Variants in RERE observed in about 807,000 individuals in gnomAD.
The protein encoded by RERE is arginine-glutamic acid dipeptide repeats.
RERE carries 40 observed loss-of-function variants against 146.1 expected under a neutral mutation model. The observed-to-expected ratio is 0.27, with a 90% CI of 0.21 to 0.36. The LOEUF is 0.36. RERE is among the 10% of genes least tolerant of loss of function. The probability of loss-of-function intolerance (pLI) is 1.00; values close to 1 mark genes in which losing one functional copy is unlikely to be tolerated. For synonymous variants in RERE, 1,003 were observed against 866.0 expected (o/e 1.16, Z -2.78); for missense variants, 1,933 against 2,138.7 (o/e 0.90, Z 1.90).
intron 12 of RERE, among the ~76,000 whole-genome samples, chr1:8,411,362 C>T (rs575463418): frequency 4.7e-5 from 7 of 148,212 alleles, no homozygotes; most frequent in Admixed American, 4.0e-4. Context: ...CTAGCTTGCT[C>T]GGGCTGAACT....
At chr1:8,471,522 T>C (rs533243958) in intron 10 of RERE, among the ~76,000 whole-genome samples, 1,971 of 150,872 alleles carry the variant, frequency 0.013, 44 homozygotes, top group African/African-American at 0.046. Context: ...GGTTGCTTTT[T>C]TTTTTTTTTT....
At chr1:8,409,971 ATTTTTTTTTTT>A (rs57424627) in intron 12 of RERE, among the ~76,000 whole-genome samples, 11 of 95,380 alleles carry the variant, frequency 1.2e-4, no homozygotes, top group East Asian at 3.7e-4. Context: ...CAATCAGGCA[ATTTTTTTTTTT>A]TTTTTTTTTT....
intron 1 of RERE, among the ~76,000 whole-genome samples, chr1:8,789,301 A>AAAAAAAAAAAAAAAAATATATATAT: frequency 4.0e-5 from 1 of 24,810 alleles, no homozygotes; most frequent in African/African-American, 2.3e-4. Flanking sequence ...AAAAAAAAAA[A>AAAAAAAAAAAAAAAAATATATATAT]ATATATATAT....
chr1:8,779,415 C>A (rs943083978), intron 1 of RERE, among the ~76,000 whole-genome samples: 50 of 151,824 alleles, frequency 3.3e-4, no homozygotes, highest in African/African-American at 1.2e-3. Context: ...GTAATCCCAG[C>A]ACTTTGGGAG....
At chr1:8,810,330 A>C (rs1441232108) in intron 1 of RERE, among the ~76,000 whole-genome samples, 1 of 152,064 alleles carries the variant, frequency 6.6e-6, no homozygotes, top group Non-Finnish European at 1.5e-5. Context: ...ATAAATCCAG[A>C]CATAGTGGCT....
chr1:8,762,278 G>A (rs192711309), intron 1 of RERE, among the ~76,000 whole-genome samples: 91 of 152,266 alleles, frequency 6.0e-4, no homozygotes, highest in Non-Finnish European at 8.5e-4. Flanking sequence ...GAAGACAAGC[G>A]CCTTAGGAGA....
At chr1:8,404,756 AG>A (rs1300133125) in intron 12 of RERE, among the ~76,000 whole-genome samples, 1 of 152,196 alleles carries the variant, frequency 6.6e-6, no homozygotes, top group African/African-American at 2.4e-5. Flanking sequence ...GCTCCTTACA[AG>A]GGTGGGCTAG....
intron 1 of RERE, among the ~76,000 whole-genome samples, chr1:8,730,974 A>G (rs1031852548): frequency 6.6e-6 from 1 of 152,200 alleles, no homozygotes; most frequent in Non-Finnish European, 1.5e-5. Context: ...ACTGAAATCA[A>G]TGGCCTTTCT....
intron 1 of RERE, among the ~76,000 whole-genome samples, chr1:8,677,638 G>T (rs962927346): frequency 1.3e-5 from 2 of 151,914 alleles, no homozygotes; most frequent in South Asian, 2.1e-4. Flanking sequence ...TCTCTGTAGG[G>T]CTCCACTGAC....
At position 8,495,105 on chromosome 1, in the gene RERE, G is replaced by A. The variant is rs191613098; in HGVS notation, c.1062C>T (p.Val354=). 13 of 1,613,910 alleles carry A rather than the reference G, an allele frequency of 8.1e-6. No individual in the cohort carries two copies. The highest frequency in any genetic ancestry group is 5.0e-5 in the Admixed American group (3 of 60,020). ...CDGGSTEDGC[V]AASRDDTTLN... ...GAGTGGTGTCATCCCGAGAGGCTGCGACACAGCCGTCCTCTGTAGAGCCTC... is the reference window on the plus strand; with the variant it reads ...GAGTGGTGTCATCCCGAGAGGCTGCAACACAGCCGTCCTCTGTAGAGCCTC... The change falls in exon 10 of 23, where the codon GTC becomes GTT. Residue 354 remains valine, a synonymous_variant. Coordinates refer to ENST00000400908, the MANE Select transcript of RERE (RefSeq NM_001042681.2).
In RERE at chr1:8,360,532, G is replaced by A; in HGVS notation, c.2975C>T (p.Pro992Leu). The A allele has an allele frequency of 8.6e-7, 1 of 1,160,422 alleles. No individual in the cohort carries two copies. The highest frequency in any genetic ancestry group is 1.1e-6 in the Non-Finnish European group (1 of 892,410). 71.9% of individuals were successfully genotyped at this position (1,160,422 alleles called of 1,614,324 possible). Residue 992 changes from proline (P) to leucine (L), a missense_variant, in exon 18 of 23, where the codon CCT (proline) becomes CTT (leucine). Physicochemically the swap from Pro to Leu is moderately conservative, Grantham distance 98. Transcript: ENST00000400908. ...SAHPPPLQLM[P>L]QSQPLPSSPA... ...CGAGGAGGGCAATGGCTGGCTCTGAGGCATGAGTTGCAGGGGTGGGGGGTG... is the reference window on the plus strand; with the variant it reads ...CGAGGAGGGCAATGGCTGGCTCTGAAGCATGAGTTGCAGGGGTGGGGGGTG...
intron 12 of RERE, among the ~76,000 whole-genome samples, chr1:8,372,830 C>T (rs1026090762): frequency 2.0e-5 from 3 of 152,190 alleles, no homozygotes; most frequent in Non-Finnish European, 2.9e-5. Context: ...TGGCCTTGTG[C>T]CACTAGTGAG....
At chr1:8,612,883 T>C (rs753784271) in intron 4 of RERE, among the ~76,000 whole-genome samples, 1 of 152,236 alleles carries the variant, frequency 6.6e-6, no homozygotes, top group African/African-American at 2.4e-5. Flanking sequence ...ATTAGACTTT[T>C]ATCTATACTA....
intron 1 of RERE, among the ~76,000 whole-genome samples, chr1:8,769,754 G>C (rs1640910250): frequency 6.6e-6 from 1 of 151,972 alleles, no homozygotes; most frequent in Non-Finnish European, 1.5e-5. Flanking sequence ...TGGGATTACA[G>C]ACATGAGTCA....
chr1:8,501,523 C>A (rs1409344686), intron 8 of RERE, among the ~76,000 whole-genome samples: 3 of 115,896 alleles, frequency 2.6e-5, no homozygotes, highest in African/African-American at 3.7e-5. Context: ...ATCAGCCCCC[C>A]GTCCGGGAGG....
At chr1:8,760,161 G>C (rs769999652) in intron 1 of RERE, among the ~76,000 whole-genome samples, 7 of 152,210 alleles carry the variant, frequency 4.6e-5, no homozygotes, top group Non-Finnish European at 1.0e-4. Flanking sequence ...GAGTAGCTGG[G>C]ATTACAGGTG....
chr1:8,702,302 A>G (rs1304665107), intron 1 of RERE, among the ~76,000 whole-genome samples: 1 of 152,176 alleles, frequency 6.6e-6, no homozygotes, highest in African/African-American at 2.4e-5. Flanking sequence ...CGCGGGGCAC[A>G]TGTGCGCCAG....
chr1:8,375,687 CACTCA>C (rs1398399308), intron 12 of RERE, among the ~76,000 whole-genome samples: 4 of 131,020 alleles, frequency 3.1e-5, no homozygotes, highest in African/African-American at 1.2e-4. Flanking sequence ...AATGTTTCCT[CACTCA>C]GCAGCCACTG....
chr1:8,672,980 A>G (rs1481951489), intron 1 of RERE, among the ~76,000 whole-genome samples: 1 of 152,220 alleles, frequency 6.6e-6, no homozygotes, highest in African/African-American at 2.4e-5. Flanking sequence ...CGGAGGACAG[A>G]ATGACTAGAA....
Sources: allele counts gnomAD v4.1 joint callset (sites outside exome capture counted in the v4.1 genomes callset), GRCh38; gene constraint gnomAD v4.1.1; transcripts MANE v1.5; gene names NCBI Gene and HGNC (gene_info 2026-07-23, HGNC 2026-07-21).